The following PPP2R2B variants were observed in gnomAD, a reference collection of about 807,000 sequenced individuals.
PPP2R2B encodes the protein serine/threonine-protein phosphatase 2A 55 kDa regulatory subunit B beta isoform.
In PPP2R2B, 5 loss-of-function variants were observed where a neutral mutation model predicts 46.0. The ratio of observed to expected loss-of-function variants is 0.11; its 90% CI spans 0.06 to 0.23. PPP2R2B has a LOEUF of 0.23. Ranked by LOEUF, PPP2R2B falls within the 10% of genes least tolerant of loss-of-function variation. The probability of loss-of-function intolerance (pLI) is 1.00; values close to 1 mark genes in which losing one functional copy is unlikely to be tolerated. For synonymous variants in PPP2R2B, 215 were observed against 206.7 expected (o/e 1.04, Z -0.34); for missense variants, 367 against 575.0 (o/e 0.64, Z 3.70).
intron 2 of PPP2R2B, among the ~76,000 whole-genome samples, chr5:146,714,544 G>A (rs922370156): frequency 1.3e-5 from 2 of 152,108 alleles, no homozygotes; most frequent in African/African-American, 4.8e-5. Context: ...AGGTGGAATT[G>A]CTGAATGAAT....
chr5:146,940,758 A>G (rs918224342), intron 1 of PPP2R2B, among the ~76,000 whole-genome samples: 1 of 152,142 alleles, frequency 6.6e-6, no homozygotes, highest in African/African-American at 2.4e-5. Flanking sequence ...GTGCATACAT[A>G]TCCTCCCCAT....
chr5:146,665,671 G>T (rs767697284), intron 5 of PPP2R2B, among the ~76,000 whole-genome samples: 2 of 152,128 alleles, frequency 1.3e-5, no homozygotes, highest in Admixed American at 6.6e-5. Flanking sequence ...TAACTCTTTG[G>T]CACAAGAGGC....
chr5:146,650,855 A>T, intron 5 of PPP2R2B, 131 bp from the exon 6 acceptor site: 1 of 811,088 alleles, frequency 1.2e-6, no homozygotes. Context: ...TTAGAGAAAG[A>T]AGAGGCTAAT....
chr5:146,958,954 G>A (rs1752049146), intron 1 of PPP2R2B, among the ~76,000 whole-genome samples: 1 of 152,186 alleles, frequency 6.6e-6, no homozygotes, highest in Non-Finnish European at 1.5e-5. Flanking sequence ...CATTTAGTAA[G>A]TAGTTGGAGG....
intron 2 of PPP2R2B, chr5:146,856,541 A>G (rs886718422): frequency 1.2e-6 from 2 of 1,612,932 alleles, no homozygotes; most frequent in Non-Finnish European, 1.7e-6. Flanking sequence ...TTCATGCTTC[A>G]TTATTGGGCC....
rs555892204 is a variant in PPP2R2B at position 146,697,560 on chromosome 5, C to A, written c.334+419G>T. Among the ~76,000 whole-genome samples, 8 of 152,308 alleles carry A rather than the reference C, an allele frequency of 5.3e-5. No homozygotes were observed. In the East Asian group the frequency reaches 1.3e-3, roughly 26 times the overall value. On this transcript the variant is annotated intron_variant, in intron 4 of 9. Coordinates refer to ENST00000394411, the MANE Select transcript of PPP2R2B (RefSeq NM_181675.4). Reference sequence around the variant, plus strand: ...AATTTTTGTCAGAGAGACACACAGCCATCTGCTTTACAGACCCTAAAATAT... The same window carrying A: ...AATTTTTGTCAGAGAGACACACAGCAATCTGCTTTACAGACCCTAAAATAT...
chr5:146,908,615 C>G (rs1315746127), intron 1 of PPP2R2B, among the ~76,000 whole-genome samples: 4 of 151,814 alleles, frequency 2.6e-5, no homozygotes, highest in Admixed American at 2.0e-4. Context: ...AGTCTGCACC[C>G]TGTAAGGCTC....
At chr5:146,681,829 A>G (rs1778192502) in intron 5 of PPP2R2B, among the ~76,000 whole-genome samples, 1 of 152,228 alleles carries the variant, frequency 6.6e-6, no homozygotes, top group Non-Finnish European at 1.5e-5. Context: ...ACAATGTGTC[A>G]GAGCCTGTAA....
At chr5:146,697,878 A>G in intron 4 of PPP2R2B, 101 bp downstream of exon 4, 1 of 1,191,288 alleles carries the variant, frequency 8.4e-7, no homozygotes, top group South Asian at 1.7e-5. Flanking sequence ...TAAGTTTTTC[A>G]ACAGCCCACA....
intron 1 of PPP2R2B, among the ~76,000 whole-genome samples, chr5:146,934,609 AAAAG>A: frequency 6.6e-6 from 1 of 151,086 alleles, no homozygotes; most frequent in South Asian, 2.1e-4. Context: ...AAAAAAAAAA[AAAAG>A]AACGTGTTTG....
chr5:146,664,517 G>GTT (rs577235555), intron 5 of PPP2R2B, among the ~76,000 whole-genome samples: 185 of 144,972 alleles, frequency 1.3e-3, no homozygotes, highest in African/African-American at 4.3e-3. Context: ...TTTAGTTCTA[G>GTT]TTTTTTTTTT....
At chr5:146,792,235 AC>A (rs1455772705) in intron 2 of PPP2R2B, among the ~76,000 whole-genome samples, 1 of 152,168 alleles carries the variant, frequency 6.6e-6, no homozygotes, top group Non-Finnish European at 1.5e-5. Context: ...GATTAAGCAA[AC>A]TTTTAGTAGG....
intron 2 of PPP2R2B, among the ~76,000 whole-genome samples, chr5:146,795,073 T>C (rs907086128): frequency 1.3e-5 from 2 of 152,130 alleles, no homozygotes; most frequent in Admixed American, 6.6e-5. Context: ...GAAAATGGGT[T>C]CTTAGTTGCA....
At chr5:147,014,728 CT>C (rs1422322168) in intron 1 of PPP2R2B, among the ~76,000 whole-genome samples, 1 of 103,590 alleles carries the variant, frequency 9.7e-6, no homozygotes, top group Non-Finnish European at 1.8e-5. Flanking sequence ...ACACTGGGGA[CT>C]GTTGTGGGGT....
intron 7 of PPP2R2B, among the ~76,000 whole-genome samples, chr5:146,608,328 G>A (rs1319073844): frequency 1.3e-5 from 2 of 152,092 alleles, no homozygotes; most frequent in Non-Finnish European, 2.9e-5. Context: ...ATGGTACATG[G>A]AATGAACTTA....
intron 2 of PPP2R2B, among the ~76,000 whole-genome samples, chr5:147,078,139 A>C (rs2151913699): frequency 6.6e-6 from 1 of 152,334 alleles, no homozygotes; most frequent in Non-Finnish European, 1.5e-5. Flanking sequence ...GTAGGAATAA[A>C]AATTCTTACC....
At chr5:146,787,517 C>T (rs1190795450) in intron 2 of PPP2R2B, among the ~76,000 whole-genome samples, 9 of 151,844 alleles carry the variant, frequency 5.9e-5, no homozygotes, top group African/African-American at 2.2e-4. Flanking sequence ...CTCTTCTCTC[C>T]TCTCCTCTCT....
intron 1 of PPP2R2B, among the ~76,000 whole-genome samples, chr5:146,907,789 T>C (rs1763049586): frequency 1.3e-5 from 2 of 152,244 alleles, no homozygotes; most frequent in African/African-American, 4.8e-5. Context: ...TTGTGAGTTA[T>C]TAACTATTGG....
intron 2 of PPP2R2B, among the ~76,000 whole-genome samples, chr5:146,812,389 A>G (rs1469622009): frequency 6.9e-6 from 1 of 144,654 alleles, no homozygotes; most frequent in Non-Finnish European, 1.5e-5. Flanking sequence ...ATGTTTGGGC[A>G]AGTTGTCTTC....
Sources: gnomAD v4.1 joint callset for allele counts (sites outside exome capture counted in the v4.1 genomes callset) on GRCh38, gnomAD v4.1.1 for gene constraint, MANE v1.5 for transcripts, NCBI Gene and HGNC (gene_info 2026-07-23, HGNC 2026-07-21) for gene names.